ABHD2: variants seen among roughly 807,000 people sequenced by gnomAD.
The protein encoded by ABHD2 is monoacylglycerol lipase ABHD2.
In ABHD2, 20 loss-of-function variants were observed where a neutral mutation model predicts 48.1. That is an observed-to-expected ratio of 0.42 (90% confidence interval 0.29 to 0.60). The LOEUF (loss-of-function observed/expected upper bound fraction) is 0.60, where lower values mean the gene tolerates loss of function less well. Ranked by LOEUF, ABHD2 falls within the 20% of genes least tolerant of loss-of-function variation. The pLI is 0.24. For synonymous variants in ABHD2, 209 were observed against 214.2 expected (o/e 0.98, Z 0.21); for missense variants, 405 against 550.9 (o/e 0.74, Z 2.65).
intron 3 of ABHD2, among the ~76,000 whole-genome samples, chr15:89,124,942 G>A (rs4932473): frequency 0.46 from 70,037 of 151,996 alleles, 17,448 homozygotes; most frequent in African/African-American, 0.64. Context: ...TACAAAAATT[G>A]GCCGGGCATG....
chr15:89,068,204 A>G, the ABHD2 span, among the ~76,000 whole-genome samples: 1 of 151,786 alleles, frequency 6.6e-6, no homozygotes, highest in African/African-American at 2.4e-5. Context: ...GTGCACACAC[A>G]CACACACACA....
chr15:89,188,232 C>G lies in ABHD2; in HGVS notation c.855C>G (p.Ser285Arg), dbSNP rs373053634. The G allele has an allele frequency of 1.9e-6, 3 of 1,611,638 alleles. No homozygotes were observed. The highest frequency in any genetic ancestry group is 2.5e-6 in the Non-Finnish European group (3 of 1,178,992). The part of the protein sequence containing the change: ...LFGDHVKKPQ[S>R]LEDTDLSRLY... Reference sequence around the variant, plus strand: ...GAGACCATGTTAAGAAACCCCAGAGCCTGGAAGACACGGACTTGAGCCGGC... The same window carrying G: ...GAGACCATGTTAAGAAACCCCAGAGGCTGGAAGACACGGACTTGAGCCGGC... The change falls in exon 8 of 11, where the codon AGC becomes AGG. Residue 285 changes from serine to arginine, a missense_variant. Physicochemically the swap from Ser to Arg is moderately radical, Grantham distance 110. Transcript: ENST00000352732. The surrounding 1 kb of genome is among the most constrained non-coding windows in gnomAD (Gnocchi z 4.1).
chr15:89,201,420 T>C lies in ABHD2; in HGVS notation c.*5997T>C. The C allele has an allele frequency of 2.4e-6, 3 of 1,269,898 alleles. No homozygotes were observed. The highest frequency in any genetic ancestry group is 1.1e-6 in the Non-Finnish European group (1 of 879,264). The allele number at this position is 1,269,898 out of a possible 1,614,324, so 78.7% of individuals were successfully genotyped here. A position where few individuals can be genotyped will look rare whatever the true frequency, so the allele number is the denominator to read the frequency against. On this transcript the variant is annotated 3_prime_UTR_variant, in exon 11 of 11. Coordinates refer to ENST00000352732, the MANE Select transcript of ABHD2 (RefSeq NM_152924.5). ...ATGTCATTCAATTTATCATTTTCAT[T>C]GGGGATCTCCATTTGGAATCCATTA...
chr15:89,123,955 C>G (rs2050093517), intron 3 of ABHD2, among the ~76,000 whole-genome samples: 1 of 152,138 alleles, frequency 6.6e-6, no homozygotes, highest in South Asian at 2.1e-4. Flanking sequence ...TGATTTTTCT[C>G]TCAAACAGTA....
At chr15:89,165,030 G>A (rs1225477304) in intron 5 of ABHD2, among the ~76,000 whole-genome samples, 1 of 152,222 alleles carries the variant, frequency 6.6e-6, no homozygotes, top group Non-Finnish European at 1.5e-5. Context: ...TGCTCGTGTT[G>A]AGCATAAAAT....
rs1256028709 is a variant in ABHD2 at position 89,201,883 on chromosome 15, G to A, written c.*6460G>A. 1.6e-5 allele frequency: 11 copies of A among 673,484 alleles called. No individual in the cohort carries two copies. In the East Asian group the frequency reaches 2.2e-4, roughly 13 times the overall value. The allele number at this position is 673,484 out of a possible 1,614,324, so 41.7% of individuals were successfully genotyped here. On this transcript the variant is annotated 3_prime_UTR_variant, in exon 11 of 11. Transcript: ENST00000352732. ...GCGAGAGGGGAGGGGGAGCGAGTTC[G>A]CATCTCTCCTTTTCCTGGTTAGACT... is the stretch of plus-strand genomic sequence containing the variant.
chr15:89,049,919 A>G, the ABHD2 span, among the ~76,000 whole-genome samples: 1 of 151,874 alleles, frequency 6.6e-6, no homozygotes, highest in African/African-American at 2.4e-5. Flanking sequence ...CCTCCCCCGT[A>G]TTTTTCTCTT....
Position 89,196,449 on chromosome 15 carries a change from A to G in ABHD2, c.*1026A>G, listed in dbSNP as rs1256231827. ...TTGGACCAGGTAGATTGCTGAGCTC[A>G]CTACCAGGTTCAAAGTTCAATGACA... On this transcript the variant is annotated 3_prime_UTR_variant, in exon 11 of 11. Transcript: ENST00000352732. 6.6e-6 allele frequency: 1 copy of G among 152,184 alleles called. No individual in the cohort carries two copies. Among genetic ancestry groups the G allele is most frequent in the Non-Finnish European group, 1.5e-5 (1 of 68,036 alleles). The allele number at this position is 152,184 out of a possible 1,614,324, so 9.4% of individuals were successfully genotyped here.
intron 1 of ABHD2, among the ~76,000 whole-genome samples, chr15:89,099,295 C>T (rs568084564): frequency 2.6e-5 from 4 of 152,286 alleles, no homozygotes; most frequent in African/African-American, 9.6e-5. Flanking sequence ...TTTGTTCCTT[C>T]ATTTAAAGTT....
chr15:89,183,384 A>AATATATATATATATAT (rs1555433648), intron 6 of ABHD2: 16 of 46,264 alleles, frequency 3.5e-4, no homozygotes, highest in South Asian at 1.8e-3. Context: ...AAAAAAAAAA[A>AATATATATATATATAT]ATATATATAT....
upstream of ABHD2, among the ~76,000 whole-genome samples, chr15:89,085,333 C>T (rs1050975451): frequency 6.6e-6 from 1 of 150,592 alleles, no homozygotes; most frequent in African/African-American, 2.5e-5. The surrounding 1 kb of genome is among the most constrained non-coding windows in gnomAD (Gnocchi z 4.2). Flanking sequence ...TCAATCCCAA[C>T]GGGCCACTAA....
chr15:89,135,176 G>T (rs1434543473), intron 3 of ABHD2, among the ~76,000 whole-genome samples: 3 of 133,096 alleles, frequency 2.3e-5, no homozygotes, highest in African/African-American at 8.5e-5. Flanking sequence ...TTACAGAGTG[G>T]TATTCACTTA....
chr15:89,191,713 C>T (rs1445613292), intron 9 of ABHD2, among the ~76,000 whole-genome samples: 1 of 1,072 alleles, frequency 9.3e-4, no homozygotes, highest in African/African-American at 3.2e-3. Context: ...CTGCAATCTC[C>T]ACCTTCCCAG....
rs1221280679 is a variant in ABHD2 at position 89,155,921 on chromosome 15, T to A, written c.538+387T>A. Among the ~76,000 whole-genome samples the A allele has an allele frequency of 2.0e-5, 3 of 152,118 alleles. No homozygotes were observed. Among genetic ancestry groups the A allele is most frequent in the Admixed American group, 6.5e-5 (1 of 15,280 alleles). ...TTGTGACTGACAGGCAAGGGTGTGA[T>A]GAGGCATGTGAATGTCAGTGGGAAG... On this transcript the variant is annotated intron_variant, in intron 5 of 10. Transcript: ENST00000352732. The surrounding 1 kb of genome is among the most constrained non-coding windows in gnomAD (Gnocchi z 4.9).
intron 3 of ABHD2, chr15:89,135,418 G>T: frequency 6.9e-6 from 4 of 581,404 alleles, no homozygotes; most frequent in East Asian, 2.9e-5. Flanking sequence ...AAAAAAAAAA[G>T]ACATTGTACA....
upstream of ABHD2, among the ~76,000 whole-genome samples, chr15:89,083,473 T>C (rs939812559): frequency 2.6e-5 from 4 of 152,198 alleles, no homozygotes; most frequent in African/African-American, 7.2e-5. The surrounding 1 kb of genome is among the most constrained non-coding windows in gnomAD (Gnocchi z 5.1). Flanking sequence ...TTTTCATCTG[T>C]GTGTGTGCGC....
the ABHD2 span, among the ~76,000 whole-genome samples, chr15:89,067,194 C>T: frequency 2.0e-5 from 3 of 152,112 alleles, no homozygotes; most frequent in East Asian, 1.9e-4. Flanking sequence ...TGCTAAGGCC[C>T]GGAGCTCTGG....
At chr15:89,067,856 G>C in the ABHD2 span, among the ~76,000 whole-genome samples, 27,088 of 152,048 alleles carry the variant, frequency 0.18, 2,554 homozygotes, top group Middle Eastern at 0.22. Flanking sequence ...ACACATTGGG[G>C]TCTCCACTCA....
At chr15:89,070,649 GGAAA>G in the ABHD2 span, among the ~76,000 whole-genome samples, 1 of 152,176 alleles carries the variant, frequency 6.6e-6, no homozygotes, top group African/African-American at 2.4e-5. Flanking sequence ...TATTTAGAAA[GGAAA>G]GAATGAGAGA....
Sources: gnomAD v4.1 joint callset for allele counts (sites outside exome capture counted in the v4.1 genomes callset) on GRCh38, gnomAD v4.1.1 for gene constraint, Gnocchi (gnomAD v3.1) non-coding constraint, MANE v1.5 for transcripts, NCBI Gene and HGNC (gene_info 2026-07-23, HGNC 2026-07-21) for gene names.